The following TMEM87A variants were observed in gnomAD, a reference collection of about 807,000 sequenced individuals.
TMEM87A encodes transmembrane protein 87A, also known as Golgi-pH regulating cation channel.
A neutral mutation model predicts 90.0 loss-of-function variants in TMEM87A; 50 were observed. That is an observed-to-expected ratio of 0.56 (90% CI 0.44 to 0.70). TMEM87A has a LOEUF of 0.70. Among genes scored for constraint, TMEM87A ranks in the 30% least tolerant of loss-of-function variants. The pLI, the probability that TMEM87A is intolerant of heterozygous loss-of-function variation, is 0.00. For synonymous variants in TMEM87A, 226 were observed against 226.7 expected (o/e 1.00, Z 0.03); for missense variants, 577 against 660.5 (o/e 0.87, Z 1.39).
intron 19 of TMEM87A, among the ~76,000 whole-genome samples, chr15:42,213,451 T>G (rs1187576424): frequency 6.6e-6 from 1 of 152,206 alleles, no homozygotes; most frequent in Non-Finnish European, 1.5e-5. Context: ...ATGTTCCAAC[T>G]TTGTAAGAGG....
intron 6 of TMEM87A, among the ~76,000 whole-genome samples, chr15:42,253,567 G>A (rs1227939501): frequency 6.6e-6 from 1 of 152,138 alleles, no homozygotes; most frequent in Non-Finnish European, 1.5e-5. Context: ...AACACACAAT[G>A]GCAAGTCTTT....
rs974860360 is a variant in TMEM87A, at chr15:42,243,948, A to G, written c.622+102T>C. The G allele has an allele frequency of 1.8e-5, 11 of 616,824 alleles. No individual in the cohort carries two copies. The African/African-American group carries it at 1.9e-4, about 11-fold the overall frequency. 38.2% of individuals were successfully genotyped at this position (616,824 alleles called of 1,614,324 possible). A position where few individuals can be genotyped will look rare whatever the true frequency, so the allele number is the denominator to read the frequency against. ...AGCAGGAGTGTCAAATGAAGGAAAT[A>G]GAAATCTGATACCTGTAATACCTAA... On this transcript the variant is annotated intron_variant, in intron 7 of 19. Transcript: ENST00000389834.
At position 42,267,234 on chromosome 15, in the gene TMEM87A, C is replaced by T. The variant is rs961000947; in HGVS notation, c.291+713G>A. On this transcript the variant is annotated intron_variant, in intron 3 of 19. Transcript: ENST00000389834. ...CAGTCAACTGCTATTTTCTAAATGA[C>T]CAATAAATGATGCTACAAGATCACA... Among the ~76,000 whole-genome samples the T allele has an allele frequency of 2.3e-4, 35 of 152,030 alleles. 1 individual carries two copies. Among genetic ancestry groups the T allele is most frequent in the Non-Finnish European group, 5.9e-5 (4 of 67,988 alleles).
At chr15:42,260,775 GAA>G (rs1167578038) in intron 6 of TMEM87A, among the ~76,000 whole-genome samples, 181 bp downstream of exon 6, 5 of 152,058 alleles carry the variant, frequency 3.3e-5, no homozygotes, top group African/African-American at 1.2e-4. Flanking sequence ...AAAACACAAA[GAA>G]ACTAAAAATC....
At chr15:42,256,865 A>G (rs2051194510) in intron 6 of TMEM87A, among the ~76,000 whole-genome samples, 1 of 152,034 alleles carries the variant, frequency 6.6e-6, no homozygotes, top group Non-Finnish European at 1.5e-5. Context: ...CTACAGGTGC[A>G]CGTGCCACCT....
At chr15:42,228,525 T>C (rs1397211189) in intron 13 of TMEM87A, among the ~76,000 whole-genome samples, 187 bp downstream of exon 13, 1 of 152,184 alleles carries the variant, frequency 6.6e-6, no homozygotes, top group Non-Finnish European at 1.5e-5. Context: ...CCAGCTACTG[T>C]ACATAAAATA....
At chr15:42,264,882 G>A (rs1338190974) in intron 3 of TMEM87A, among the ~76,000 whole-genome samples, 5 of 151,698 alleles carry the variant, frequency 3.3e-5, no homozygotes, top group African/African-American at 1.2e-4. Context: ...TAGGCCCAGT[G>A]TCTGCCGTTC....
chr15:42,272,040 C>A, intron 2 of TMEM87A, 23 bp downstream of exon 2: 2 of 1,569,592 alleles, frequency 1.3e-6, no homozygotes, highest in Admixed American at 2.0e-5. Flanking sequence ...CAAATTAAAA[C>A]TTCATGAAAT....
At chr15:42,271,150 T>C (rs2051515605) in intron 2 of TMEM87A, among the ~76,000 whole-genome samples, 1 of 152,194 alleles carries the variant, frequency 6.6e-6, no homozygotes, top group Non-Finnish European at 1.5e-5. Context: ...GAACACACAA[T>C]GGGATACTTT....
intron 8 of TMEM87A, 62 bp from the exon 9 acceptor site, chr15:42,237,677 T>C: frequency 7.3e-7 from 1 of 1,363,408 alleles, no homozygotes. Context: ...AGTCTGTAGA[T>C]TTAGAATCAA....
intron 8 of TMEM87A, among the ~76,000 whole-genome samples, chr15:42,238,962 GAC>G (rs1371567703): frequency 6.6e-6 from 1 of 151,984 alleles, no homozygotes; most frequent in African/African-American, 2.4e-5. Context: ...GATATTCTGA[GAC>G]ACAGACGTAT....
At chr15:42,258,763 A>G (rs560079353) in intron 6 of TMEM87A, 2 of 1,426,964 alleles carry the variant, frequency 1.4e-6, no homozygotes, top group East Asian at 2.6e-5. Flanking sequence ...ATTAACAAAG[A>G]CTGTCATGCC....
chr15:42,269,119 G>A (rs2051462523), intron 2 of TMEM87A, among the ~76,000 whole-genome samples: 1 of 152,084 alleles, frequency 6.6e-6, no homozygotes, highest in Non-Finnish European at 1.5e-5. Context: ...TATTCTAATG[G>A]ATCAAGACAT....
rs372423882 is a variant in TMEM87A, at chr15:42,231,992, A to G, written c.1063-732T>C. ...CTAGAAGTCTAAGAGAATTACATAC[A>G]GAGGACAGTGTGATTTGAAAAGCAA... On this transcript the variant is annotated intron_variant, in intron 11 of 19. Transcript: ENST00000389834. The G allele has an allele frequency of 4.8e-5, 38 of 784,728 alleles. No homozygotes were observed. The East Asian group carries it at 7.7e-4, about 16-fold the overall frequency. The allele number at this position is 784,728 out of a possible 1,614,324, so 48.6% of individuals were successfully genotyped here. A position where few individuals can be genotyped will look rare whatever the true frequency, so the allele number is the denominator to read the frequency against.
rs2050787552 is a variant in TMEM87A at position 42,237,344 on chromosome 15, C to A, written c.868+88G>T. On this transcript the variant is annotated intron_variant, in intron 9 of 19. Coordinates refer to ENST00000389834, the MANE Select transcript of TMEM87A (RefSeq NM_015497.5). Reference sequence around the variant, plus strand: ...ATAATTAAGTAATTGAAAAGTTAAGCCTATGTAGTGACTGCTGACCTTAGG... The same window carrying A: ...ATAATTAAGTAATTGAAAAGTTAAGACTATGTAGTGACTGCTGACCTTAGG... The A allele has an allele frequency of 6.2e-6, 8 of 1,296,020 alleles. No homozygotes were observed. The South Asian group carries it at 9.8e-5, about 16-fold the overall frequency. The allele number at this position is 1,296,020 out of a possible 1,614,324, so 80.3% of individuals were successfully genotyped here.
chr15:42,268,295 T>A (rs1409990178), intron 2 of TMEM87A, among the ~76,000 whole-genome samples: 1 of 152,228 alleles, frequency 6.6e-6, no homozygotes, highest in East Asian at 1.9e-4. Context: ...CATAAAGTCC[T>A]AACTTCTGGA....
chr15:42,236,393 G>A lies in TMEM87A; in HGVS notation c.895C>T (p.Leu299=). 1 of 1,614,090 alleles carries A rather than the reference G, an allele frequency of 6.2e-7. No homozygotes were observed. Among genetic ancestry groups the A allele is most frequent in the Non-Finnish European group, 8.5e-7 (1 of 1,179,934 alleles). The part of the protein sequence containing the change: ...SVQGALILAE[L]LSAVKRSLAR... The stretch of plus-strand genomic sequence containing the variant: ...AGTGAGCGTTTCACTGCTGAAAGCA[G>A]CTCTGCAAGGATCAAAGCACCCTGG... The change falls in exon 10 of 20, where the codon CTG becomes TTG. Residue 299 remains leucine, a synonymous_variant. Transcript: ENST00000389834.
intron 15 of TMEM87A, among the ~76,000 whole-genome samples, chr15:42,225,741 G>A (rs928566082): frequency 4.6e-5 from 7 of 152,056 alleles, no homozygotes; most frequent in African/African-American, 9.7e-5. Flanking sequence ...CATGTTGGCC[G>A]AAACCATGTT....
At chr15:42,227,473 C>G in intron 14 of TMEM87A, 2 of 411,890 alleles carry the variant, frequency 4.9e-6, no homozygotes, top group Non-Finnish European at 8.8e-6. Flanking sequence ...TTATAACTTA[C>G]AAAATTCTCT....
Sources: gnomAD v4.1 joint callset for allele counts (sites outside exome capture counted in the v4.1 genomes callset) on GRCh38, gnomAD v4.1.1 for gene constraint, MANE v1.5 for transcripts, NCBI Gene and HGNC (gene_info 2026-07-23, HGNC 2026-07-21) for gene names.